FRK: variants seen among roughly 807,000 people sequenced by gnomAD.
FRK encodes the protein fyn related Src family tyrosine kinase.
Under a neutral mutation model 56.4 loss-of-function variants are expected in FRK, and 51 were observed. The ratio of observed to expected loss-of-function variants is 0.90; its 90% CI spans 0.72 to 1.14. The LOEUF (loss-of-function observed/expected upper bound fraction) is 1.14, where lower values mean the gene tolerates loss of function less well. Among genes scored for constraint, FRK ranks in the 50% most tolerant of loss-of-function variants. FRK has a pLI of 0.00. For missense variants in FRK, 570 were observed against 601.4 expected, an observed-to-expected ratio of 0.95 and a Z score of 0.55; for synonymous variants, 245 against 217.9, an observed-to-expected ratio of 1.12 and a Z score of -1.10.
chr6:116,086,009 CT>C, the FRK span, among the ~76,000 whole-genome samples: 327 of 144,672 alleles, frequency 2.3e-3, no homozygotes, highest in Admixed American at 2.4e-3. Context: ...GTCCAAATGA[CT>C]TTTTTTTTTT....
In FRK at chr6:115,956,468, C is replaced by T; in HGVS notation, c.942G>A (p.Leu314=). ...TTAGCTTACTTTGGAGATATTCTTG[C>T]AGACTTCCATGTCTCATCAACTCTG... ...IITELMRHGS[L]QEYLQNDTGS... The change falls in exon 5 of 8, where the codon CTG becomes CTA. Residue 314 remains leucine (L), a synonymous_variant. Transcript: ENST00000606080. 2.0e-6 allele frequency: 3 copies of T among 1,531,800 alleles called. No individual in the cohort carries two copies. Among genetic ancestry groups the T allele is most frequent in the Admixed American group, 2.0e-5 (1 of 49,038 alleles). 94.9% of individuals were successfully genotyped at this position (1,531,800 alleles called of 1,614,324 possible). A position where few individuals can be genotyped will look rare whatever the true frequency, so the allele number is the denominator to read the frequency against.
At chr6:116,072,564 C>CACACACACACA in the FRK span, among the ~76,000 whole-genome samples, 1 of 149,592 alleles carries the variant, frequency 6.7e-6, no homozygotes, top group Admixed American at 6.7e-5. Flanking sequence ...CACACACACA[C>CACACACACACA]AAGATACCTT....
chr6:116,061,923 A>C (rs539823585), upstream of FRK, among the ~76,000 whole-genome samples: 2 of 152,076 alleles, frequency 1.3e-5, no homozygotes, highest in East Asian at 3.9e-4. Flanking sequence ...GAATAATCAA[A>C]CTCAAGAAAA....
intron 2 of FRK, among the ~76,000 whole-genome samples, chr6:116,002,311 A>G (rs898063751): frequency 1.3e-5 from 2 of 152,218 alleles, no homozygotes; most frequent in African/African-American, 4.8e-5. Context: ...CACCTTGGGT[A>G]TAAACAACAT....
At chr6:115,958,777 A>AG (rs1402857498) in intron 4 of FRK, among the ~76,000 whole-genome samples, 1 of 94,716 alleles carries the variant, frequency 1.1e-5, no homozygotes. Flanking sequence ...GAGGGGGGGG[A>AG]AGGAGAGAGA....
intron 2 of FRK, among the ~76,000 whole-genome samples, chr6:115,972,176 C>G (rs181212092): frequency 6.6e-6 from 1 of 152,230 alleles, no homozygotes; most frequent in African/African-American, 2.4e-5. Context: ...CCAGCAGAAG[C>G]TTTCCTGGGC....
intron 2 of FRK, among the ~76,000 whole-genome samples, chr6:115,984,345 G>C (rs1032872702): frequency 4.6e-5 from 7 of 151,940 alleles, no homozygotes; most frequent in Non-Finnish European, 2.9e-5. Flanking sequence ...AGCTCTTATT[G>C]TATGTCAAAC....
At chr6:116,002,793 C>T in intron 2 of FRK, 1 of 437,742 alleles carries the variant, frequency 2.3e-6, no homozygotes, top group South Asian at 1.6e-5. Flanking sequence ...CCCTCGGCAA[C>T]ACCTGCCTCA....
intron 1 of FRK, among the ~76,000 whole-genome samples, chr6:116,049,430 T>G (rs1010431086): frequency 6.6e-6 from 1 of 152,190 alleles, no homozygotes; most frequent in Non-Finnish European, 1.5e-5. Flanking sequence ...ATTTACAATC[T>G]CAGGAGAAAA....
Position 116,002,123 on chromosome 6 carries a change from C to T in FRK, c.466+1754G>A, listed in dbSNP as rs556471959. Among the ~76,000 whole-genome samples the T allele has an allele frequency of 9.2e-5, 14 of 152,206 alleles. No individual in the cohort carries two copies. The South Asian group carries it at 2.9e-3, about 32-fold the overall frequency. ...AGATTATTCTTCTTTAAGCTGTTTG[C>T]TTATAGAAAAGTTTTTTATGTTTCT... On this transcript the variant is annotated intron_variant, in intron 2 of 7. Transcript: ENST00000606080.
chr6:116,006,820 A>G (rs371567986), intron 1 of FRK, among the ~76,000 whole-genome samples: 2 of 152,244 alleles, frequency 1.3e-5, no homozygotes, highest in Admixed American at 6.5e-5. Flanking sequence ...GGTGACATAG[A>G]AAGATTCCAT....
At chr6:116,036,959 T>C (rs1286164141) in intron 1 of FRK, among the ~76,000 whole-genome samples, 1 of 152,148 alleles carries the variant, frequency 6.6e-6, no homozygotes, top group African/African-American at 2.4e-5. Flanking sequence ...AGAAAAAAAG[T>C]TACTTTTAGT....
chr6:116,069,555 G>A, the FRK span, among the ~76,000 whole-genome samples: 1 of 152,142 alleles, frequency 6.6e-6, no homozygotes, highest in Non-Finnish European at 1.5e-5. Flanking sequence ...AAGATCACTT[G>A]AGGCTAAGAG....
In FRK at chr6:116,034,878, G is replaced by T. The variant is rs117642654; in HGVS notation, c.344+25090C>A. On this transcript the variant is annotated intron_variant, in intron 1 of 7. Coordinates refer to ENST00000606080, the MANE Select transcript of FRK (RefSeq NM_002031.3). ...ATACTTACAAAATTATTTACAGATA[G>T]AATTATATGATGCCTAGGATTTGCT... Among the ~76,000 whole-genome samples, 37 of 152,080 alleles carry T rather than the reference G, an allele frequency of 2.4e-4. No homozygotes were observed. The East Asian group carries it at 7.1e-3, about 29-fold the overall frequency.
chr6:116,097,485 C>T, the FRK span, among the ~76,000 whole-genome samples: 1 of 152,054 alleles, frequency 6.6e-6, no homozygotes, highest in African/African-American at 2.4e-5. Context: ...TATGGCAAAT[C>T]ATATTTACAA....
chr6:116,099,832 T>C, the FRK span, among the ~76,000 whole-genome samples: 4 of 152,250 alleles, frequency 2.6e-5, no homozygotes, highest in East Asian at 1.9e-4. Flanking sequence ...ATTAGACACA[T>C]TGTTCCTTTA....
intron 1 of FRK, among the ~76,000 whole-genome samples, chr6:116,042,403 A>G (rs1776757295): frequency 6.6e-6 from 1 of 152,236 alleles, no homozygotes; most frequent in Non-Finnish European, 1.5e-5. Context: ...AAAACCCCAC[A>G]TGCCAGAATA....
At chr6:116,066,297 C>T in the FRK span, among the ~76,000 whole-genome samples, 3 of 152,116 alleles carry the variant, frequency 2.0e-5, no homozygotes, top group Non-Finnish European at 4.4e-5. Context: ...CTTCCTGCCT[C>T]GAACATCAGA....
intron 1 of FRK, among the ~76,000 whole-genome samples, chr6:116,006,867 G>T (rs1456390696): frequency 1.3e-5 from 2 of 152,016 alleles, no homozygotes; most frequent in Non-Finnish European, 2.9e-5. Flanking sequence ...AAAATAAATT[G>T]TTCAAGGATT....
Sources: allele counts gnomAD v4.1 joint callset (sites outside exome capture counted in the v4.1 genomes callset), GRCh38; gene constraint gnomAD v4.1.1; transcripts MANE v1.5; gene names NCBI Gene and HGNC (gene_info 2026-07-23, HGNC 2026-07-21).